Variants in RBFOX1 observed in about 807,000 individuals in gnomAD.
The protein encoded by RBFOX1 is RNA binding fox-1 homolog 1, also known as RNA binding protein fox-1 homolog 1.
In RBFOX1, 8 loss-of-function variants were observed where a neutral mutation model predicts 57.7. The ratio of observed to expected loss-of-function variants is 0.14; its 90% CI spans 0.08 to 0.25. The LOEUF (loss-of-function observed/expected upper bound fraction) is 0.25, where lower values mean the gene tolerates loss of function less well. Among genes scored for constraint, RBFOX1 ranks in the 10% least tolerant of loss-of-function variants. The pLI is 1.00. For missense variants in RBFOX1, 611 were observed against 548.5 expected (o/e 1.11, Z -1.14); for synonymous variants, 326 against 222.4 (o/e 1.47, Z -4.15).
At chr16:6,066,596 C>G (rs570661907) in intron 1 of RBFOX1, among the ~76,000 whole-genome samples, 3 of 152,014 alleles carry the variant, frequency 2.0e-5, no homozygotes, top group Admixed American at 6.6e-5. Context: ...ATAGAACTTA[C>G]GATTTTTGAC....
At chr16:7,281,959 G>A (rs2095552745) in intron 4 of RBFOX1, among the ~76,000 whole-genome samples, 1 of 152,130 alleles carries the variant, frequency 6.6e-6, no homozygotes, top group African/African-American at 2.4e-5. Context: ...TCTACCTCCT[G>A]GGCTCCAGCA....
intron 4 of RBFOX1, among the ~76,000 whole-genome samples, chr16:7,185,385 T>C (rs974724138): frequency 1.3e-5 from 2 of 152,212 alleles, no homozygotes; most frequent in Admixed American, 6.5e-5. Context: ...ATTTCCTTAA[T>C]GCATTTGACA....
intron 5 of RBFOX1, chr16:7,519,734 TC>T (rs2077118583): frequency 1.0e-6 from 1 of 984,352 alleles, no homozygotes. Context: ...TGCCTCTTCG[TC>T]CTGTCCCAAG....
chr16:5,989,125 C>A (rs2060337532), intron 4 of RBFOX1, among the ~76,000 whole-genome samples: 1 of 151,148 alleles, frequency 6.6e-6, no homozygotes, highest in East Asian at 2.0e-4. Flanking sequence ...TCGAGACCAT[C>A]CTGACTAACA....
intron 3 of RBFOX1, among the ~76,000 whole-genome samples, chr16:6,842,342 G>A (rs2093521925): frequency 1.3e-5 from 2 of 151,824 alleles, no homozygotes; most frequent in Admixed American, 1.3e-4. Context: ...ACACATCTTT[G>A]GAAAGACAAA....
At chr16:7,313,296 G>C (rs1029594427) in intron 4 of RBFOX1, among the ~76,000 whole-genome samples, 1 of 152,046 alleles carries the variant, frequency 6.6e-6, no homozygotes. Context: ...TTCCCCCTAA[G>C]GGTTTGCAAT....
intron 1 of RBFOX1, among the ~76,000 whole-genome samples, chr16:6,148,594 A>G (rs1219944303): frequency 1.3e-5 from 2 of 152,146 alleles, no homozygotes; most frequent in Non-Finnish European, 2.9e-5. Context: ...TAGGTAGTAG[A>G]TGAATCCCCT....
At chr16:6,226,455 G>C (rs1015410891) in intron 1 of RBFOX1, among the ~76,000 whole-genome samples, 12 of 151,888 alleles carry the variant, frequency 7.9e-5, no homozygotes, top group Admixed American at 2.6e-4. Flanking sequence ...CTTTCCTGTG[G>C]CACAGGTAGT....
intron 4 of RBFOX1, among the ~76,000 whole-genome samples, chr16:7,427,969 G>A (rs571333591): frequency 4.1e-4 from 62 of 152,120 alleles, no homozygotes; most frequent in Admixed American, 1.0e-3. Flanking sequence ...AACATACTCC[G>A]TGCCCCCATA....
At chr16:5,812,207 T>C (rs1034970212) in intron 3 of RBFOX1, among the ~76,000 whole-genome samples, 3 of 152,194 alleles carry the variant, frequency 2.0e-5, no homozygotes, top group African/African-American at 7.2e-5. Context: ...AGACACTTGG[T>C]TTATTTACAG....
intron 4 of RBFOX1, among the ~76,000 whole-genome samples, chr16:7,088,328 G>C (rs747949077): frequency 6.6e-6 from 1 of 152,060 alleles, no homozygotes; most frequent in Non-Finnish European, 1.5e-5. Context: ...TATTTGTTTT[G>C]TTTTTGTTTC....
At chr16:6,856,248 C>T (rs922401632) in intron 3 of RBFOX1, among the ~76,000 whole-genome samples, 3 of 152,126 alleles carry the variant, frequency 2.0e-5, no homozygotes, top group Non-Finnish European at 4.4e-5. Flanking sequence ...AGGCAGCCTC[C>T]ATCTGCTCAG....
At chr16:6,529,570 T>A (rs996760084) in intron 2 of RBFOX1, among the ~76,000 whole-genome samples, 2 of 91,130 alleles carry the variant, frequency 2.2e-5, no homozygotes, top group Admixed American at 2.0e-4. Context: ...ATAATAATAA[T>A]TATTATTAAT....
Position 6,762,005 on chromosome 16 carries a change from C to T in RBFOX1, c.-16+107355C>T, listed in dbSNP as rs76159276. On this transcript the variant is annotated intron_variant, in intron 3 of 15. Transcript: ENST00000550418. Reference sequence around the variant, plus strand: ...CTTCTCACGTGCCGCTCAAGCTCGACAACTCTACAGGTGCTAAGATGAAAT... The same window carrying T: ...CTTCTCACGTGCCGCTCAAGCTCGATAACTCTACAGGTGCTAAGATGAAAT... Among the ~76,000 whole-genome samples, 224 of 152,244 alleles carry T rather than the reference C, an allele frequency of 1.5e-3. 7 individuals are homozygous for T. The East Asian group carries it at 0.037, about 25-fold the overall frequency.
intron 4 of RBFOX1, among the ~76,000 whole-genome samples, chr16:7,071,189 T>A (rs1276514450): frequency 1.3e-5 from 2 of 152,172 alleles, no homozygotes; most frequent in East Asian, 3.9e-4. Flanking sequence ...TTCTTAGGTA[T>A]CACAGAGGAA....
At chr16:5,314,843 AAG>A (rs1555487990) in intron 1 of RBFOX1, among the ~76,000 whole-genome samples, 3 of 152,034 alleles carry the variant, frequency 2.0e-5, no homozygotes, top group African/African-American at 4.8e-5. Context: ...AAAAAAAAAA[AAG>A]AACTTTCAGG....
chr16:5,858,781 A>G lies in RBFOX1; in HGVS notation c.319-8522A>G, dbSNP rs2057136344. On this transcript the variant is annotated intron_variant, in intron 3 of 19. Transcript: ENST00000641259. ...GAAGGGAGGTAGGGAGATGAATATC[A>G]TCCATGAATGGGCTCTTTCCTTTTT... Among the ~76,000 whole-genome samples, 5 of 152,354 alleles carry G rather than the reference A, an allele frequency of 3.3e-5. No homozygotes were observed. The South Asian group carries it at 1.0e-3, about 32-fold the overall frequency.
intron 1 of RBFOX1, among the ~76,000 whole-genome samples, chr16:6,213,266 G>A (rs2097310331): frequency 6.6e-6 from 1 of 152,008 alleles, no homozygotes; most frequent in Non-Finnish European, 1.5e-5. Context: ...TTTCTTTCTA[G>A]GTGGCTTTGT....
chr16:5,745,341 A>G (rs1264147002), intron 3 of RBFOX1, among the ~76,000 whole-genome samples: 2 of 152,192 alleles, frequency 1.3e-5, no homozygotes, highest in African/African-American at 4.8e-5. Flanking sequence ...CCGGTCTATC[A>G]TTGATGGACA....
Sources: allele counts gnomAD v4.1 joint callset (sites outside exome capture counted in the v4.1 genomes callset), GRCh38; gene constraint gnomAD v4.1.1; transcripts MANE v1.5; gene names NCBI Gene and HGNC (gene_info 2026-07-23, HGNC 2026-07-21).